The following LRP1B variants were observed in gnomAD, a reference collection of about 807,000 sequenced individuals.
LRP1B encodes LDL receptor related protein 1B, also known as low-density lipoprotein receptor-related protein 1B.
Under a neutral mutation model 556.6 loss-of-function variants are expected in LRP1B, and 217 were observed. That is an observed-to-expected ratio of 0.39 (90% CI 0.35 to 0.44). The LOEUF (loss-of-function observed/expected upper bound fraction) is 0.44. Among genes scored for constraint, LRP1B ranks in the 20% least tolerant of loss-of-function variants. The pLI, the probability that LRP1B is intolerant of heterozygous loss-of-function variation, is 1.00. For synonymous variants in LRP1B, 2,047 were observed against 1,865.8 expected (o/e 1.10, Z -2.50); for missense variants, 5,053 against 5,620.8 (o/e 0.90, Z 3.23).
chr2:140,767,375 C>T (rs1440692598), intron 35 of LRP1B, among the ~76,000 whole-genome samples: 1 of 151,956 alleles, frequency 6.6e-6, no homozygotes, highest in Non-Finnish European at 1.5e-5. Flanking sequence ...CAGGTAACTT[C>T]TCCTTAGGAA....
intron 18 of LRP1B, among the ~76,000 whole-genome samples, chr2:140,956,317 A>C (rs1695871301): frequency 6.6e-6 from 1 of 151,708 alleles, no homozygotes; most frequent in Non-Finnish European, 1.5e-5. Context: ...ATGCCAAAAT[A>C]CATTATTTTT....
intron 43 of LRP1B, among the ~76,000 whole-genome samples, chr2:140,573,173 G>T (rs181350142): frequency 6.6e-6 from 1 of 151,914 alleles, no homozygotes; most frequent in Non-Finnish European, 1.5e-5. Context: ...CAAAGAAAAT[G>T]CAAATGGTGA....
At chr2:141,222,374 T>C (rs749749370) in intron 6 of LRP1B, among the ~76,000 whole-genome samples, 3 of 152,048 alleles carry the variant, frequency 2.0e-5, no homozygotes, top group Non-Finnish European at 2.9e-5. Flanking sequence ...ATTCTGAAAC[T>C]GAGACACTAA....
At chr2:140,361,735 C>T (rs751953708) in intron 72 of LRP1B, among the ~76,000 whole-genome samples, 5 of 151,282 alleles carry the variant, frequency 3.3e-5, no homozygotes, top group African/African-American at 1.2e-4. Context: ...CCCTTCCTGA[C>T]CTATCTTTAT....
chr2:141,514,807 TATCTC>T (rs1170819819), intron 2 of LRP1B, among the ~76,000 whole-genome samples: 2 of 151,918 alleles, frequency 1.3e-5, no homozygotes, highest in Non-Finnish European at 2.9e-5. Flanking sequence ...AGGTGTTTCA[TATCTC>T]ATCTAATTAA....
chr2:140,687,623 CTCAG>C (rs1574241970), intron 41 of LRP1B, among the ~76,000 whole-genome samples: 1 of 151,834 alleles, frequency 6.6e-6, no homozygotes, highest in African/African-American at 2.4e-5. Context: ...CTCTCTCTCT[CTCAG>C]TATTTTTAAC....
At chr2:141,622,136 C>T (rs1273188220) in intron 2 of LRP1B, among the ~76,000 whole-genome samples, 1 of 152,154 alleles carries the variant, frequency 6.6e-6, no homozygotes, top group South Asian at 2.1e-4. Flanking sequence ...GGTGATCTGC[C>T]AGCCTTGGCC....
intron 66 of LRP1B, among the ~76,000 whole-genome samples, chr2:140,392,928 A>G: frequency 6.7e-6 from 1 of 149,628 alleles, no homozygotes; most frequent in Non-Finnish European, 1.5e-5. Context: ...CCTTTCATAT[A>G]TAACTTTTTT....
At chr2:140,507,745 T>G (rs1689480603) in intron 52 of LRP1B, among the ~76,000 whole-genome samples, 1 of 152,192 alleles carries the variant, frequency 6.6e-6, no homozygotes, top group Non-Finnish European at 1.5e-5. Context: ...AAATGCCATG[T>G]AGGACTCAAG....
Position 141,897,349 on chromosome 2 carries a change from A to G in LRP1B, c.83-86948T>C, listed in dbSNP as rs376474589. Among the ~76,000 whole-genome samples the G allele has an allele frequency of 3.9e-5, 6 of 152,322 alleles. No individual in the cohort carries two copies. The South Asian group carries it at 1.2e-3, about 32-fold the overall frequency. ...ATTGTTCAGATGTCTAGGCTTGTCA[A>G]TTGACTGTTCACACAAAAATCAGCA... On this transcript the variant is annotated intron_variant, in intron 1 of 90. Transcript: ENST00000389484.
At chr2:142,129,434 A>C (rs1707768277) in intron 1 of LRP1B, among the ~76,000 whole-genome samples, 1 of 152,228 alleles carries the variant, frequency 6.6e-6, no homozygotes, top group East Asian at 1.9e-4. Flanking sequence ...TTGAATAGAA[A>C]CACTGCAGTT....
chr2:141,383,588 C>T (rs1456167349), intron 3 of LRP1B, among the ~76,000 whole-genome samples: 1 of 152,048 alleles, frequency 6.6e-6, no homozygotes, highest in African/African-American at 2.4e-5. Context: ...GTATTTAATG[C>T]CTCAGTATAC....
At chr2:140,293,406 T>C (rs1683475225) in intron 84 of LRP1B, among the ~76,000 whole-genome samples, 1 of 152,228 alleles carries the variant, frequency 6.6e-6, no homozygotes. Context: ...TACTTGATTT[T>C]ACTTTTACCA....
intron 2 of LRP1B, among the ~76,000 whole-genome samples, chr2:141,553,145 C>T (rs1685816134): frequency 6.6e-6 from 1 of 151,898 alleles, no homozygotes; most frequent in South Asian, 2.1e-4. Context: ...CAATGGCTGT[C>T]TACTTTCCAG....
intron 3 of LRP1B, among the ~76,000 whole-genome samples, chr2:141,465,706 C>T (rs1476725049): frequency 6.6e-6 from 1 of 151,898 alleles, no homozygotes; most frequent in Non-Finnish European, 1.5e-5. Flanking sequence ...AGCACCACCA[C>T]TCCTGGCTAA....
chr2:140,238,109 A>G, intron 89 of LRP1B, 43 bp downstream of exon 89: 2 of 1,518,402 alleles, frequency 1.3e-6, no homozygotes, highest in Middle Eastern at 1.8e-4. Flanking sequence ...GATGCGACTC[A>G]AGAATGTTAG....
At chr2:141,097,582 TG>T (rs1218433564) in intron 7 of LRP1B, among the ~76,000 whole-genome samples, 14 of 152,186 alleles carry the variant, frequency 9.2e-5, no homozygotes, top group Non-Finnish European at 2.1e-4. Flanking sequence ...TCATTTATCT[TG>T]TCTACCTTCT....
intron 3 of LRP1B, among the ~76,000 whole-genome samples, chr2:141,322,335 A>T (rs1041979639): frequency 6.6e-6 from 1 of 152,080 alleles, no homozygotes; most frequent in Non-Finnish European, 1.5e-5. Context: ...AAAAGAATAC[A>T]TTTTTAATAT....
intron 24 of LRP1B, among the ~76,000 whole-genome samples, chr2:140,885,270 T>G (rs775654064): frequency 1.3e-5 from 2 of 152,060 alleles, no homozygotes; most frequent in Non-Finnish European, 2.9e-5. Context: ...ACAATGGAAT[T>G]AACAATTTGA....
Sources: gnomAD v4.1 joint callset for allele counts (sites outside exome capture counted in the v4.1 genomes callset) on GRCh38, gnomAD v4.1.1 for gene constraint, MANE v1.5 for transcripts, NCBI Gene and HGNC (gene_info 2026-07-23, HGNC 2026-07-21) for gene names.